RSF1: variants seen among roughly 807,000 people sequenced by gnomAD.
RSF1 encodes remodeling and spacing factor 1, also known as HBV pX-associated protein 8.
RSF1 carries 13 observed loss-of-function variants against 145.2 expected under a neutral mutation model. The observed-to-expected ratio is 0.09, with a 90% CI of 0.06 to 0.14. The LOEUF is 0.14. Ranked by LOEUF, RSF1 falls within the 10% of genes least tolerant of loss-of-function variation. RSF1 has a pLI of 1.00. For synonymous variants in RSF1, 577 were observed against 592.6 expected, an observed-to-expected ratio of 0.97 and a Z score of 0.38; for missense variants, 1,517 against 1,718.2, an observed-to-expected ratio of 0.88 and a Z score of 2.07.
At chr11:77,792,028 C>T (rs1046891467) in intron 1 of RSF1, among the ~76,000 whole-genome samples, 6 of 152,200 alleles carry the variant, frequency 3.9e-5, no homozygotes, top group African/African-American at 1.4e-4. Flanking sequence ...CTGATAAAGA[C>T]ACACCCAAGA....
intron 12 of RSF1, 123 bp downstream of exon 12, chr11:77,677,963 C>A: frequency 4.6e-6 from 3 of 649,896 alleles, no homozygotes; most frequent in Non-Finnish European, 8.3e-6. Context: ...CAACTAACAT[C>A]AGTACTAATC....
intron 2 of RSF1, among the ~76,000 whole-genome samples, chr11:77,760,967 A>G (rs1231941212): frequency 6.6e-6 from 1 of 151,248 alleles, no homozygotes; most frequent in Non-Finnish European, 1.5e-5. Flanking sequence ...GGTGGAGTGC[A>G]GTGGTGCAAT....
rs564255862 is a variant in RSF1 at position 77,664,455 on chromosome 11, T to C, written c.*2462A>G. ...GGTAAGAATTACCTTAGGCTTTCTA[T>C]AGTAGAAGAGTAAAAATAACTCCTT... On this transcript the variant is annotated 3_prime_UTR_variant, in exon 16 of 16. Transcript: ENST00000308488. 1.3e-5 allele frequency: 2 copies of C among 152,338 alleles called. No individual in the cohort carries two copies. Among genetic ancestry groups the C allele is most frequent in the Admixed American group, 6.5e-5 (1 of 15,292 alleles). 9.4% of individuals were successfully genotyped at this position (152,338 alleles called of 1,614,324 possible). A position where few individuals can be genotyped will look rare whatever the true frequency, so the allele number is the denominator to read the frequency against.
At chr11:77,695,251 C>A (rs528811060) in intron 7 of RSF1, among the ~76,000 whole-genome samples, 40 of 152,082 alleles carry the variant, frequency 2.6e-4, no homozygotes, top group African/African-American at 8.2e-4. Context: ...ATGCCAATAT[C>A]TTCTCTCTCC....
the RSF1 span, among the ~76,000 whole-genome samples, chr11:77,871,398 G>T: frequency 6.6e-6 from 1 of 152,156 alleles, no homozygotes; most frequent in African/African-American, 2.4e-5. Context: ...CACTATTCTA[G>T]AAACTGGTGA....
intron 1 of RSF1, among the ~76,000 whole-genome samples, chr11:77,776,621 A>G (rs902328560): frequency 2.6e-5 from 4 of 152,202 alleles, no homozygotes; most frequent in Non-Finnish European, 5.9e-5. Flanking sequence ...ACCCAAGCCA[A>G]AGTTATCACT....
intron 3 of RSF1, among the ~76,000 whole-genome samples, chr11:77,745,100 T>C (rs1290180124): frequency 6.6e-6 from 1 of 152,206 alleles, no homozygotes; most frequent in Non-Finnish European, 1.5e-5. Flanking sequence ...GTTGTTTCTA[T>C]GATCCTTTGT....
rs762622042 is a variant in RSF1 at position 77,661,639 on chromosome 11, G to C, written c.*5278C>G. 1 of 151,668 alleles carries C rather than the reference G, an allele frequency of 6.6e-6. No individual in the cohort carries two copies. Among genetic ancestry groups the C allele is most frequent in the African/African-American group, 2.4e-5 (1 of 41,244 alleles). 9.4% of individuals were successfully genotyped at this position (151,668 alleles called of 1,614,324 possible). The stretch of plus-strand genomic sequence containing the variant: ...TTAATTACATAATGCACCTGTAGAT[G>C]ATCTAGCATAAACACAATTGTAAAA... On this transcript the variant is annotated 3_prime_UTR_variant, in exon 16 of 16. Transcript: ENST00000308488.
At chr11:77,844,257 C>T in the RSF1 span, among the ~76,000 whole-genome samples, 1 of 152,338 alleles carries the variant, frequency 6.6e-6, no homozygotes, top group East Asian at 1.9e-4. Flanking sequence ...CTACAGGCCC[C>T]ACCTCTAAAT....
chr11:77,716,971 A>C (rs1309214301), intron 5 of RSF1, among the ~76,000 whole-genome samples: 1 of 152,066 alleles, frequency 6.6e-6, no homozygotes, highest in Admixed American at 6.6e-5. Context: ...TGAGCTCAGG[A>C]GTTCAAGACC....
intron 2 of RSF1, among the ~76,000 whole-genome samples, chr11:77,755,956 A>G (rs936286361): frequency 6.6e-6 from 1 of 152,190 alleles, no homozygotes; most frequent in African/African-American, 2.4e-5. Flanking sequence ...AGCAAGTACA[A>G]AACAAACATG....
intron 5 of RSF1, chr11:77,703,474 C>T (rs1703001860): frequency 6.6e-6 from 1 of 152,158 alleles, no homozygotes; most frequent in Non-Finnish European, 1.5e-5. Flanking sequence ...CAAAGTTTTA[C>T]TGAGACATAA....
At chr11:77,813,838 CA>C (rs1948755554) in intron 1 of RSF1, 1 of 201,384 alleles carries the variant, frequency 5.0e-6, no homozygotes, top group Admixed American at 5.3e-5. Flanking sequence ...CACACACACA[CA>C]CACACACACA....
intron 11 of RSF1, among the ~76,000 whole-genome samples, chr11:77,679,470 C>T (rs893552185): frequency 6.6e-6 from 1 of 151,962 alleles, no homozygotes; most frequent in Non-Finnish European, 1.5e-5. Context: ...CCCAGGAGTT[C>T]AAGACCAGCT....
intron 1 of RSF1, among the ~76,000 whole-genome samples, chr11:77,790,119 A>G (rs530505554): frequency 1.2e-3 from 179 of 152,278 alleles, no homozygotes; most frequent in Non-Finnish European, 2.1e-3. Flanking sequence ...CCATTTTCAC[A>G]CTGCTGATAA....
chr11:77,702,468 T>G lies in RSF1; in HGVS notation c.761A>C (p.Lys254Thr). The G allele has an allele frequency of 6.4e-7, 1 of 1,551,614 alleles. No homozygotes were observed. The highest frequency in any genetic ancestry group is 8.6e-7 in the Non-Finnish European group (1 of 1,159,558). Residue 254 changes from lysine (K) to threonine (T), a missense_variant, in exon 6 of 16, where the codon AAA (lysine) becomes ACA (threonine). Physicochemically the swap from Lys to Thr is moderately conservative, Grantham distance 78. Around this residue, in one of 12 missense-constraint regions of RSF1, gnomAD observed 207 missense variants for 191.4 expected, o/e 1.08. Coordinates refer to ENST00000308488, the MANE Select transcript of RSF1 (RefSeq NM_016578.4). ...TAAATCCATAGGCTGCTCCTCACTTTTCATCTTTTCACTTTCTTTCTGTTC... is the reference window on the plus strand; with the variant it reads ...TAAATCCATAGGCTGCTCCTCACTTGTCATCTTTTCACTTTCTTTCTGTTC... ...QEEQKESEKMKSEEQPMDLEN... is the reference protein window; with the variant it reads ...QEEQKESEKMTSEEQPMDLEN...
chr11:77,785,416 T>C (rs978496438), intron 1 of RSF1, among the ~76,000 whole-genome samples: 6 of 151,860 alleles, frequency 4.0e-5, no homozygotes, highest in African/African-American at 1.2e-4. Flanking sequence ...ATGGTGAAAC[T>C]GTGTCTCTAC....
intron 15 of RSF1, among the ~76,000 whole-genome samples, chr11:77,671,253 G>T (rs1590820829): frequency 1.5e-5 from 2 of 137,346 alleles, no homozygotes; most frequent in South Asian, 4.7e-4. Flanking sequence ...AGACTAAATG[G>T]ATGTAAGAAA....
chr11:77,696,183 G>GAATTTATTT (rs752191272), intron 7 of RSF1, among the ~76,000 whole-genome samples: 17 of 152,088 alleles, frequency 1.1e-4, no homozygotes, highest in Non-Finnish European at 1.8e-4. Context: ...CAAAATTACA[G>GAATTTATTT]GTAAACTTTC....
Sources: allele counts gnomAD v4.1 joint callset (sites outside exome capture counted in the v4.1 genomes callset), GRCh38; gene constraint gnomAD v4.1.1; regional missense constraint gnomAD v4.1.1; transcripts MANE v1.5; gene names NCBI Gene and HGNC (gene_info 2026-07-23, HGNC 2026-07-21).